UBR1: variants seen among roughly 807,000 people sequenced by gnomAD.
UBR1 encodes the protein ubiquitin protein ligase E3 component n-recognin 1.
UBR1 carries 102 observed loss-of-function variants against 242.1 expected under a neutral mutation model. The observed-to-expected ratio is 0.42, with a 90% confidence interval of 0.36 to 0.50. The LOEUF (loss-of-function observed/expected upper bound fraction) is 0.50. Among genes scored for constraint, UBR1 ranks in the 20% least tolerant of loss-of-function variants. The pLI is 0.01. For synonymous variants in UBR1, 675 were observed against 684.8 expected, an observed-to-expected ratio of 0.99 and a Z score of 0.22; for missense variants, 1,772 against 2,101.8, an observed-to-expected ratio of 0.84 and a Z score of 3.07.
At chr15:43,059,253 A>G in intron 8 of UBR1, 61 bp from the exon 9 acceptor site, 5 of 1,466,352 alleles carry the variant, frequency 3.4e-6, no homozygotes, top group Non-Finnish European at 4.8e-6. Context: ...TTAAATAGAG[A>G]TGAGTCTCAC....
At position 43,082,117 on chromosome 15, in the gene UBR1, G is replaced by C. The variant is rs549700792; in HGVS notation, c.417+521C>G. ...ATTTTTTTCCTGATTAAAAGAGATA[G>C]TTGCAGAAATACACTCTTTTTATAG... is the stretch of plus-strand genomic sequence containing the variant. On this transcript the variant is annotated intron_variant, in intron 3 of 46. Coordinates refer to ENST00000290650, the MANE Select transcript of UBR1 (RefSeq NM_174916.3). 2.7e-5 allele frequency among the ~76,000 whole-genome samples: 4 copies of C among 150,132 alleles called. No individual in the cohort carries two copies. The East Asian group carries it at 5.8e-4, about 22-fold the overall frequency.
At chr15:43,065,646 C>G (rs570067340) in intron 6 of UBR1, among the ~76,000 whole-genome samples, 2 of 152,282 alleles carry the variant, frequency 1.3e-5, no homozygotes, top group East Asian at 3.9e-4. Context: ...CTAAGGATAA[C>G]GGCTTCCAGC....
intron 3 of UBR1, among the ~76,000 whole-genome samples, chr15:43,075,582 C>T (rs1210305835): frequency 6.6e-6 from 1 of 151,978 alleles, no homozygotes; most frequent in African/African-American, 2.4e-5. Flanking sequence ...AATGCTATCC[C>T]TCCCCACTCC....
intron 33 of UBR1, among the ~76,000 whole-genome samples, chr15:42,990,976 T>C (rs980191519): frequency 7.2e-5 from 11 of 151,942 alleles, no homozygotes; most frequent in African/African-American, 1.7e-4. Flanking sequence ...TTTTTTTTTT[T>C]CAAGAGATGA....
intron 35 of UBR1, chr15:42,988,363 T>A (rs1317229050): frequency 5.0e-6 from 1 of 200,208 alleles, no homozygotes; most frequent in African/African-American, 2.4e-5. Flanking sequence ...GGTGCAACCA[T>A]GGCTCACTGC....
chr15:43,043,125 G>C, intron 15 of UBR1, 90 bp downstream of exon 15: 1 of 1,446,200 alleles, frequency 6.9e-7, no homozygotes, highest in African/African-American at 1.4e-5. Context: ...TACATATTGA[G>C]CACAGAACAA....
rs200344888 is a variant in UBR1, at chr15:42,952,415, A to T, written c.4869T>A (p.His1623Gln). 3 of 1,614,248 alleles carry T rather than the reference A, an allele frequency of 1.9e-6. No individual in the cohort carries two copies. Among genetic ancestry groups the T allele is most frequent in the East Asian group, 4.5e-5 (2 of 44,890 alleles). The part of the protein sequence containing the change: ...CPRSADDERK[H>Q]PVLCLFCGAI... ...CCCCACAGAAAAGGCAGAGGACAGG[A>T]TGCTTTCGCTCATCATCTGCAGACC... Residue 1623 changes from histidine (H) to glutamine (Q), a missense_variant, in exon 45 of 47, where the codon CAT becomes CAA. By Grantham distance (24) the His-to-Gln change is conservative. Around this residue, in one of 3 missense-constraint regions of UBR1, gnomAD observed 965 missense variants for 1,079.7 expected, o/e 0.89. Coordinates refer to ENST00000290650, the MANE Select transcript of UBR1 (RefSeq NM_174916.3).
chr15:43,046,709 T>C (rs1198624867), intron 14 of UBR1, among the ~76,000 whole-genome samples: 1 of 152,194 alleles, frequency 6.6e-6, no homozygotes, highest in African/African-American at 2.4e-5. Context: ...AAAGGGAATC[T>C]AGGGTGGGAT....
chr15:42,958,598 A>G (rs1034922026), intron 43 of UBR1, among the ~76,000 whole-genome samples: 2 of 152,224 alleles, frequency 1.3e-5, no homozygotes, highest in Admixed American at 1.3e-4. Context: ...GATTTAAGAA[A>G]TGTCAAATTA....
chr15:43,008,095 A>G (rs1158535728), intron 29 of UBR1, among the ~76,000 whole-genome samples: 2 of 152,234 alleles, frequency 1.3e-5, no homozygotes, highest in Admixed American at 6.5e-5. Flanking sequence ...CAATCCTTAC[A>G]ATAATCCTAT....
chr15:42,962,560 G>A (rs532431893), intron 42 of UBR1, among the ~76,000 whole-genome samples: 1 of 152,122 alleles, frequency 6.6e-6, no homozygotes, highest in South Asian at 2.1e-4. Flanking sequence ...TGAGATCTCA[G>A]CTCACTGCAA....
At chr15:42,949,521 G>A (rs1005739459) in intron 46 of UBR1, among the ~76,000 whole-genome samples, 2 of 151,928 alleles carry the variant, frequency 1.3e-5, no homozygotes, top group South Asian at 2.1e-4. Flanking sequence ...GCTCTCAGCC[G>A]GGCATGGTGG....
At chr15:43,104,933 G>T (rs1022236394) in intron 1 of UBR1, among the ~76,000 whole-genome samples, 3 of 152,074 alleles carry the variant, frequency 2.0e-5, no homozygotes, top group African/African-American at 7.2e-5. Context: ...CTGAACTCGG[G>T]AATTTGCAGT....
chr15:42,976,700 C>G lies in UBR1; in HGVS notation c.4369+17G>C. On this transcript the variant is annotated intron_variant, in intron 39 of 46. Coordinates refer to ENST00000290650, the MANE Select transcript of UBR1 (RefSeq NM_174916.3). ...GCAAAATGTTATTCACAGTCAACAC[C>G]CAGATGAAAACCTTACCTGTGTCTA... The G allele has an allele frequency of 6.2e-7, 1 of 1,613,738 alleles. No homozygotes were observed. The highest frequency in any genetic ancestry group is 8.5e-7 in the Non-Finnish European group (1 of 1,179,840).
Position 42,952,156 on chromosome 15 carries a change from G to C in UBR1, c.5006+122C>G, listed in dbSNP as rs2031844457. 1.1e-5 allele frequency: 14 copies of C among 1,227,828 alleles called. No individual in the cohort carries two copies. In the South Asian group the frequency reaches 1.7e-4, roughly 15 times the overall value. The allele number at this position is 1,227,828 out of a possible 1,614,324, so 76.1% of individuals were successfully genotyped here. A position where few individuals can be genotyped will look rare whatever the true frequency, so the allele number is the denominator to read the frequency against. ...AAATGCAATTTCATGTCAATAACAG[G>C]TTAATACTCTAACTTCTGATTGATT... On this transcript the variant is annotated intron_variant, in intron 45 of 46. Transcript: ENST00000290650.
Position 42,976,760 on chromosome 15 carries a change from G to T in UBR1, c.4326C>A (p.Ile1442=), listed in dbSNP as rs1410267238. The change falls in exon 39 of 47, where the codon ATC becomes ATA. Residue 1442 remains isoleucine, a synonymous_variant. Transcript: ENST00000290650. ...SYNHLYLFHL[I]TMAHMLQILL... ...GTATCTGAAGCATGTGTGCCATGGT[G>T]ATCAAATGGAAGAGATAAAGGTGGT... is the stretch of plus-strand genomic sequence containing the variant. 2 of 1,614,080 alleles carry T rather than the reference G, an allele frequency of 1.2e-6. No homozygotes were observed. The highest frequency in any genetic ancestry group is 1.7e-6 in the Non-Finnish European group (2 of 1,179,998).
intron 26 of UBR1, 50 bp downstream of exon 26, chr15:43,022,652 G>T: frequency 7.4e-7 from 1 of 1,349,418 alleles, no homozygotes; most frequent in South Asian, 1.2e-5. Context: ...AACTCCTTAA[G>T]ATCTAGACTT....
intron 3 of UBR1, among the ~76,000 whole-genome samples, chr15:43,080,666 A>G (rs180993885): frequency 6.6e-6 from 1 of 152,332 alleles, no homozygotes; most frequent in African/African-American, 2.4e-5. Flanking sequence ...GCTATAAAAC[A>G]TTCACTGGCC....
chr15:42,969,558 T>C (rs2032168553), intron 40 of UBR1, among the ~76,000 whole-genome samples: 2 of 152,214 alleles, frequency 1.3e-5, no homozygotes, highest in African/African-American at 4.8e-5. Context: ...TTGTTGCAAT[T>C]GCTTTTGGTG....
Sources: gnomAD v4.1 joint callset for allele counts (sites outside exome capture counted in the v4.1 genomes callset) on GRCh38, gnomAD v4.1.1 for gene constraint, gnomAD v4.1.1 regional missense constraint, MANE v1.5 for transcripts, NCBI Gene and HGNC (gene_info 2026-07-23, HGNC 2026-07-21) for gene names.